GRAMD1C: variants seen among roughly 807,000 people sequenced by gnomAD.
The protein encoded by GRAMD1C is GRAM domain containing 1C.
In GRAMD1C, 89 loss-of-function variants were observed where a neutral mutation model predicts 97.8. The observed-to-expected ratio is 0.91, with a 90% CI of 0.77 to 1.09. GRAMD1C has a LOEUF of 1.09. Among genes scored for constraint, GRAMD1C ranks in the 50% least tolerant of loss-of-function variants. The pLI is 0.00. For synonymous variants in GRAMD1C, 256 were observed against 267.0 expected, an observed-to-expected ratio of 0.96 and a Z score of 0.40; for missense variants, 740 against 766.4, an observed-to-expected ratio of 0.97 and a Z score of 0.41.
chr3:113,928,325 C>T (rs1440164710), intron 10 of GRAMD1C, among the ~76,000 whole-genome samples: 1 of 152,184 alleles, frequency 6.6e-6, no homozygotes, highest in Admixed American at 6.5e-5. Flanking sequence ...CAACCCCCGA[C>T]ACTACCTTTA....
chr3:113,900,634 G>T (rs1936133026), intron 6 of GRAMD1C, among the ~76,000 whole-genome samples: 1 of 150,582 alleles, frequency 6.6e-6, no homozygotes, highest in African/African-American at 2.4e-5. Flanking sequence ...CACCATGTTG[G>T]CCAGGATGGT....
At chr3:113,889,787 C>A (rs540377761) in intron 6 of GRAMD1C, among the ~76,000 whole-genome samples, 3 of 151,982 alleles carry the variant, frequency 2.0e-5, no homozygotes, top group Admixed American at 6.6e-5. Flanking sequence ...TACAGGCATG[C>A]GCCACTGAGC....
At chr3:113,933,481 A>G in intron 11 of GRAMD1C, 30 bp from the exon 12 acceptor site, 1 of 1,547,130 alleles carries the variant, frequency 6.5e-7, no homozygotes, top group Non-Finnish European at 8.9e-7. Context: ...AAGCATATAC[A>G]TACAAACATT....
At chr3:113,941,150 A>T (rs1044996293) in intron 17 of GRAMD1C, among the ~76,000 whole-genome samples, 1 of 152,210 alleles carries the variant, frequency 6.6e-6, no homozygotes, top group Non-Finnish European at 1.5e-5. Flanking sequence ...GAGAATTTGG[A>T]GGTAAATATT....
At chr3:113,903,927 C>T (rs1936262979) in intron 7 of GRAMD1C, among the ~76,000 whole-genome samples, 1 of 139,032 alleles carries the variant, frequency 7.2e-6, no homozygotes, top group Non-Finnish European at 1.6e-5. Flanking sequence ...TTTATAGAAT[C>T]CCATGTGAGT....
rs200917151 is a variant in GRAMD1C, at chr3:113,858,393, C to CG, written c.175-11114_175-11113insG. Among the ~76,000 whole-genome samples, 99 of 76,618 alleles carry CG rather than the reference C, an allele frequency of 1.3e-3. 5 individuals carry two copies. The highest frequency in any genetic ancestry group is 8.4e-3 in the East Asian group (23 of 2,744). The allele number at this position is 76,618 out of a possible 152,430, so 50.3% of individuals were successfully genotyped here. ...GATTACAGGCATGTAATCCCAGCTACATTTTTTTTTTTTTTTTTTTGAGAC... is the reference window on the plus strand; with the variant it reads ...GATTACAGGCATGTAATCCCAGCTACGATTTTTTTTTTTTTTTTTTTGAGAC... On this transcript the variant is annotated intron_variant, in intron 2 of 17. Transcript: ENST00000358160.
intron 6 of GRAMD1C, among the ~76,000 whole-genome samples, chr3:113,888,279 G>A (rs2107416830): frequency 6.6e-6 from 1 of 152,276 alleles, no homozygotes. Context: ...CTATTATCAA[G>A]TAGAATTTAT....
At chr3:113,850,123 C>A (rs573197609) in intron 2 of GRAMD1C, 2 of 386,470 alleles carry the variant, frequency 5.2e-6, no homozygotes, top group African/African-American at 2.1e-5. Flanking sequence ...ATTAAATATT[C>A]TTTTGTGCTT....
intron 6 of GRAMD1C, among the ~76,000 whole-genome samples, chr3:113,887,580 A>G (rs1180169894): frequency 6.9e-6 from 1 of 145,212 alleles, no homozygotes; most frequent in Non-Finnish European, 1.5e-5. Flanking sequence ...GGGCACCTGT[A>G]GTCCCAGCTA....
intron 17 of GRAMD1C, among the ~76,000 whole-genome samples, chr3:113,942,016 A>G (rs1314972781): frequency 6.6e-6 from 1 of 151,434 alleles, no homozygotes; most frequent in Non-Finnish European, 1.5e-5. Context: ...CCTGGGCTCA[A>G]GCAAACCTCC....
chr3:113,902,561 C>T (rs1936215574), intron 7 of GRAMD1C, among the ~76,000 whole-genome samples: 3 of 152,290 alleles, frequency 2.0e-5, no homozygotes, highest in Admixed American at 2.0e-4. Context: ...TCTTTAAGGT[C>T]CTTGCCAACT....
chr3:113,909,225 T>A, intron 9 of GRAMD1C, 105 bp downstream of exon 9: 1 of 503,690 alleles, frequency 2.0e-6, no homozygotes, highest in Non-Finnish European at 3.3e-6. Context: ...TTAGACACAG[T>A]CTCACCCTAT....
intron 5 of GRAMD1C, among the ~76,000 whole-genome samples, chr3:113,878,353 C>T (rs1028834967): frequency 2.6e-5 from 4 of 152,150 alleles, no homozygotes; most frequent in African/African-American, 9.7e-5. Flanking sequence ...GGCTTTCCCT[C>T]CCCCAGCCCT....
At chr3:113,844,434 T>C in intron 1 of GRAMD1C, 69 bp from the exon 2 acceptor site, 1 of 1,040,838 alleles carries the variant, frequency 9.6e-7, no homozygotes, top group Non-Finnish European at 1.5e-6. Flanking sequence ...GTTGTGAACA[T>C]TAACTTTTTT....
At chr3:113,875,715 G>A (rs1230292535) in intron 4 of GRAMD1C, 128 bp downstream of exon 4, 6 of 525,308 alleles carry the variant, frequency 1.1e-5, no homozygotes, top group Non-Finnish European at 2.0e-5. Flanking sequence ...AAATTAGTGT[G>A]CATGTAAATA....
intron 10 of GRAMD1C, among the ~76,000 whole-genome samples, chr3:113,929,370 A>G (rs759336500): frequency 7.2e-5 from 11 of 152,196 alleles, no homozygotes; most frequent in African/African-American, 1.4e-4. Context: ...TAATTAGGTG[A>G]TGCTCTGGTA....
At chr3:113,897,573 A>C in intron 6 of GRAMD1C, 1 of 981,438 alleles carries the variant, frequency 1.0e-6, no homozygotes, top group Middle Eastern at 5.2e-4. Flanking sequence ...TTTAAACTAC[A>C]TTAGAAAAGC....
At chr3:113,918,835 G>A (rs1936929644) in intron 10 of GRAMD1C, among the ~76,000 whole-genome samples, 1 of 152,072 alleles carries the variant, frequency 6.6e-6, no homozygotes, top group Non-Finnish European at 1.5e-5. Context: ...TGGGACCACA[G>A]GTGTGCACCA....
chr3:113,928,141 G>A (rs1937293428), intron 10 of GRAMD1C, among the ~76,000 whole-genome samples: 1 of 152,112 alleles, frequency 6.6e-6, no homozygotes, highest in Non-Finnish European at 1.5e-5. Context: ...TCCCAGAGGG[G>A]CCGCTGCCCA....
Sources: gnomAD v4.1 joint callset for allele counts (sites outside exome capture counted in the v4.1 genomes callset) on GRCh38, gnomAD v4.1.1 for gene constraint, MANE v1.5 for transcripts, NCBI Gene and HGNC (gene_info 2026-07-23, HGNC 2026-07-21) for gene names.